ABCC11: variants seen among roughly 807,000 people sequenced by gnomAD.
ABCC11 encodes ATP binding cassette subfamily C member 11.
A neutral mutation model predicts 149.3 loss-of-function variants in ABCC11; 135 were observed. That is an observed-to-expected ratio of 0.90 (90% CI 0.79 to 1.04). The LOEUF is 1.04. Ranked by LOEUF, ABCC11 falls within the 50% of genes least tolerant of loss-of-function variation. ABCC11 has a pLI of 0.00. For synonymous variants in ABCC11, 665 were observed against 671.4 expected (o/e 0.99, Z 0.15); for missense variants, 1,680 against 1,722.1 (o/e 0.98, Z 0.43).
chr16:48,178,717 G>A, intron 23 of ABCC11, 31 bp from the exon 24 acceptor site: 1 of 1,600,746 alleles, frequency 6.2e-7, no homozygotes, highest in Non-Finnish European at 8.6e-7. Flanking sequence ...CGGGGGTCAA[G>A]AGGCTGCTGG....
At chr16:48,246,133 C>G (rs1971370653) in intron 1 of ABCC11, among the ~76,000 whole-genome samples, 1 of 151,942 alleles carries the variant, frequency 6.6e-6, no homozygotes, top group Non-Finnish European at 1.5e-5. Flanking sequence ...TAAAAGAAAG[C>G]AAAACAAAGC....
At chr16:48,183,414 G>A (rs574434839) in intron 23 of ABCC11, among the ~76,000 whole-genome samples, 21 of 152,326 alleles carry the variant, frequency 1.4e-4, no homozygotes, top group Non-Finnish European at 2.5e-4. Context: ...GAGGGATTCC[G>A]GCCTTGAGGT....
intron 13 of ABCC11, among the ~76,000 whole-genome samples, chr16:48,203,596 G>T (rs914845955): frequency 6.6e-6 from 1 of 152,082 alleles, no homozygotes; most frequent in Non-Finnish European, 1.5e-5. Context: ...GGCCAGGCAC[G>T]GTGGCTCATG....
In ABCC11 at chr16:48,231,827, A is replaced by G. The variant is rs1258389770; in HGVS notation, c.95T>C (p.Ile32Thr). The change falls in exon 2 of 30, where the codon ATT becomes ACT. Residue 32 changes from isoleucine (I) to threonine (T), a missense_variant. Ile to Thr is a moderately conservative substitution (Grantham distance 89). Coordinates refer to ENST00000356608, the MANE Select transcript of ABCC11 (RefSeq NM_001370497.1). ...DIGDDMVSGLIYKTYTLQDGP... is the reference protein window; with the variant it reads ...DIGDDMVSGLTYKTYTLQDGP... ...GATGCTAAGAGATCTACTTACATAA[A>G]TAAGTCCTGAAACCATGTCATCGCC... 1 of 1,614,118 alleles carries G rather than the reference A, an allele frequency of 6.2e-7. No homozygotes were observed. The highest frequency in any genetic ancestry group is 8.5e-7 in the Non-Finnish European group (1 of 1,179,980).
chr16:48,238,426 T>C (rs1276778138), intron 1 of ABCC11, among the ~76,000 whole-genome samples: 1 of 152,146 alleles, frequency 6.6e-6, no homozygotes, highest in Non-Finnish European at 1.5e-5. Context: ...GCTCAGGGCC[T>C]GGCACTGAGA....
At chr16:48,183,253 C>A (rs1966555110) in intron 23 of ABCC11, among the ~76,000 whole-genome samples, 1 of 152,230 alleles carries the variant, frequency 6.6e-6, no homozygotes, top group Middle Eastern at 3.2e-3. Flanking sequence ...ACTGGTACAG[C>A]CCAGGTTCCC....
Position 48,200,377 on chromosome 16 carries a change from G to T in ABCC11, c.1981C>A (p.Leu661Met). Residue 661 changes from leucine to methionine, a missense_variant, in exon 15 of 30, where the codon CTG (leucine) becomes ATG (methionine). Physicochemically the swap from Leu to Met is conservative, Grantham distance 15 (BLOSUM62 2). Coordinates refer to ENST00000356608, the MANE Select transcript of ABCC11 (RefSeq NM_001370497.1). ...DRQIYLLDDP[L>M]SAVDAHVGKH... Reference sequence around the variant, plus strand: ...CCCACGTGGGCGTCCACAGCAGACAGGGGGTCGTCCAGCAGGTAGATCTGA... The same window carrying T: ...CCCACGTGGGCGTCCACAGCAGACATGGGGTCGTCCAGCAGGTAGATCTGA... The T allele has an allele frequency of 1.2e-6, 2 of 1,614,252 alleles. No individual in the cohort carries two copies. Among genetic ancestry groups the T allele is most frequent in the Admixed American group, 1.7e-5 (1 of 60,030 alleles).
At chr16:48,191,057 C>T (rs531787364) in intron 20 of ABCC11, among the ~76,000 whole-genome samples, 7 of 152,194 alleles carry the variant, frequency 4.6e-5, no homozygotes, top group East Asian at 3.9e-4. Context: ...TTGTTTATGG[C>T]GGCGGAACTA....
chr16:48,215,158 C>T, intron 8 of ABCC11, 39 bp downstream of exon 8: 1 of 1,598,146 alleles, frequency 6.3e-7, no homozygotes, highest in Non-Finnish European at 8.6e-7. Flanking sequence ...CTTACCATGC[C>T]ATCACCAGGT....
At chr16:48,214,188 G>C (rs1320989838) in intron 9 of ABCC11, among the ~76,000 whole-genome samples, 1 of 151,980 alleles carries the variant, frequency 6.6e-6, no homozygotes, top group Non-Finnish European at 1.5e-5. Context: ...CCTTCGTCTA[G>C]ACCTGCCTTG....
chr16:48,230,293 C>T (rs2150917765), intron 3 of ABCC11, 144 bp downstream of exon 3: 2 of 959,172 alleles, frequency 2.1e-6, no homozygotes, highest in Middle Eastern at 3.6e-4. Flanking sequence ...GATGTGCCTC[C>T]CTGGTGTGCC....
chr16:48,177,457 G>A (rs753203219), intron 24 of ABCC11, among the ~76,000 whole-genome samples: 10 of 152,256 alleles, frequency 6.6e-5, no homozygotes, highest in Non-Finnish European at 1.0e-4. Context: ...TCATAGCTCA[G>A]AGCCCTTGTG....
rs16945930 is a variant in ABCC11, at chr16:48,200,416, C to T, written c.1942G>A (p.Val648Ile). ...AGGTAGATCTGACGGTCGGAATAGA[C>T]GGCGCGGGCCAGGCTGATCCTCTGT... ...QKQRISLARA[V>I]YSDRQIYLLD... The change falls in exon 15 of 30, where the codon GTC (valine) becomes ATC (isoleucine). Residue 648 changes from valine (V) to isoleucine (I), a missense_variant. Val to Ile is a conservative substitution (Grantham distance 29, BLOSUM62 3). Coordinates refer to ENST00000356608, the MANE Select transcript of ABCC11 (RefSeq NM_001370497.1). 0.024 allele frequency: 38,583 copies of T among 1,614,190 alleles called. 2,455 individuals are homozygous for T. The East Asian group carries it at 0.3, about 13-fold the overall frequency.
chr16:48,171,102 A>AAAATCTCCATTTG, intron 26 of ABCC11, 135 bp from the exon 27 acceptor site: 1 of 818,594 alleles, frequency 1.2e-6, no homozygotes, highest in Non-Finnish European at 2.0e-6. Flanking sequence ...ACCACCACAA[A>AAAATCTCCATTTG]TGGAGATTTT....
chr16:48,241,004 A>G (rs543079540), intron 1 of ABCC11, among the ~76,000 whole-genome samples: 172 of 152,072 alleles, frequency 1.1e-3, no homozygotes, highest in Non-Finnish European at 2.2e-3. Flanking sequence ...GCCTGATCTC[A>G]GCTCACTGCA....
At chr16:48,188,555 C>G (rs1318756122) in intron 20 of ABCC11, among the ~76,000 whole-genome samples, 2 of 152,192 alleles carry the variant, frequency 1.3e-5, no homozygotes, top group African/African-American at 2.4e-5. Flanking sequence ...GGCCATGAGG[C>G]CTTTCGGAGA....
intron 6 of ABCC11, among the ~76,000 whole-genome samples, chr16:48,221,180 A>C (rs1016748802): frequency 1.3e-5 from 2 of 152,126 alleles, no homozygotes; most frequent in Non-Finnish European, 2.9e-5. Context: ...AGGACACAGG[A>C]AGAGATGAGG....
intron 6 of ABCC11, among the ~76,000 whole-genome samples, chr16:48,221,560 T>C (rs891084538): frequency 1.1e-4 from 16 of 152,224 alleles, no homozygotes; most frequent in Non-Finnish European, 4.4e-5. Flanking sequence ...AAAAATTGCT[T>C]TTCCCTGGAA....
chr16:48,220,364 C>G (rs1187703253), intron 6 of ABCC11, among the ~76,000 whole-genome samples: 1 of 152,196 alleles, frequency 6.6e-6, no homozygotes, highest in Non-Finnish European at 1.5e-5. Context: ...AACTGCCACA[C>G]AAGAGGGATG....
Sources: gnomAD v4.1 joint callset for allele counts (sites outside exome capture counted in the v4.1 genomes callset) on GRCh38, gnomAD v4.1.1 for gene constraint, MANE v1.5 for transcripts, NCBI Gene and HGNC (gene_info 2026-07-23, HGNC 2026-07-21) for gene names.